Variants in FBN1 observed in about 807,000 individuals in gnomAD.
FBN1 encodes fibrillin-1.
FBN1 carries 29 observed loss-of-function variants against 365.1 expected under a neutral mutation model. The observed-to-expected ratio is 0.08, with a 90% CI of 0.06 to 0.11. FBN1 has a LOEUF of 0.11. Ranked by LOEUF, FBN1 falls within the 10% of genes least tolerant of loss-of-function variation. The probability of loss-of-function intolerance (pLI) is 1.00; values close to 1 mark genes in which losing one functional copy is unlikely to be tolerated. For synonymous variants in FBN1, 1,210 were observed against 1,270.5 expected, an observed-to-expected ratio of 0.95 and a Z score of 1.01; for missense variants, 2,476 against 3,703.2, an observed-to-expected ratio of 0.67 and a Z score of 8.60.
rs558788351 is a variant in FBN1, at chr15:48,559,449, G to A, written c.539-21641C>T. 2.0e-5 allele frequency among the ~76,000 whole-genome samples: 3 copies of A among 152,228 alleles called. No homozygotes were observed. The East Asian group carries it at 5.8e-4, about 29-fold the overall frequency. ...CTCTCATTAGAGGAGTCTGACTCAA[G>A]TAAAAGGCCTGCGGAGGACACAGAC... On this transcript the variant is annotated intron_variant, in intron 6 of 65. Coordinates refer to ENST00000316623, the MANE Select transcript of FBN1 (RefSeq NM_000138.5).
rs753055657 is a variant in FBN1 at position 48,526,164 on chromosome 15, A to T, written c.954T>A (p.Gly318=). ...VSSYFCKCPP[G]FYTSPDGTRC... is the part of the protein sequence containing the mutation. ...TGGTACCATCTGGAGAGGTGTAAAA[A>T]CCAGGGGGACATTTGCAAAAGTAAC... Residue 318 remains glycine (G), a synonymous_variant, in exon 9 of 66, where the codon GGT becomes GGA. Coordinates refer to ENST00000316623, the MANE Select transcript of FBN1 (RefSeq NM_000138.5). 4 of 1,614,002 alleles carry T rather than the reference A, an allele frequency of 2.5e-6. No homozygotes were observed. In the East Asian group the frequency reaches 8.9e-5, roughly 36 times the overall value.
chr15:48,581,739 AAGAT>A (rs1566931790), intron 6 of FBN1, among the ~76,000 whole-genome samples: 3 of 152,218 alleles, frequency 2.0e-5, no homozygotes, highest in Admixed American at 1.3e-4. Context: ...GGAAAGAACA[AAGAT>A]AGAGCTAAAA....
chr15:48,514,050 C>G (rs1263110401), intron 12 of FBN1, among the ~76,000 whole-genome samples: 1 of 152,130 alleles, frequency 6.6e-6, no homozygotes, highest in African/African-American at 2.4e-5. Flanking sequence ...AAAAGAAGGT[C>G]TAACCATATC....
At chr15:48,572,888 C>T (rs1195958793) in intron 6 of FBN1, among the ~76,000 whole-genome samples, 2 of 152,154 alleles carry the variant, frequency 1.3e-5, no homozygotes, top group African/African-American at 4.8e-5. Flanking sequence ...AGTCACTGCA[C>T]TGTTTTGCAT....
intron 65 of FBN1, among the ~76,000 whole-genome samples, chr15:48,411,987 C>A (rs1229160215): frequency 6.6e-6 from 1 of 152,238 alleles, no homozygotes; most frequent in Non-Finnish European, 1.5e-5. Flanking sequence ...ATGCTTTTCA[C>A]CTGGCTTCTT....
At chr15:48,420,883 T>A in intron 62 of FBN1, 77 bp from the exon 63 acceptor site, 1 of 1,546,500 alleles carries the variant, frequency 6.5e-7, no homozygotes. Flanking sequence ...ATAAGAAATC[T>A]GGCCCCTACA....
intron 2 of FBN1, among the ~76,000 whole-genome samples, chr15:48,614,084 G>C (rs1280297464): frequency 6.6e-6 from 1 of 152,118 alleles, no homozygotes. Context: ...CAATTTCAGG[G>C]AGCAACTAAG....
At chr15:48,638,791 C>A (rs1303261565) in intron 2 of FBN1, among the ~76,000 whole-genome samples, 1 of 152,176 alleles carries the variant, frequency 6.6e-6, no homozygotes, top group Non-Finnish European at 1.5e-5. Flanking sequence ...TCTTGCAACC[C>A]TATTCAGAGA....
chr15:48,483,155 A>C (rs2043478598), intron 31 of FBN1, among the ~76,000 whole-genome samples: 1 of 152,258 alleles, frequency 6.6e-6, no homozygotes, highest in Non-Finnish European at 1.5e-5. Context: ...AAGAAAGTCA[A>C]TTTATTCAAA....
chr15:48,420,582 T>G, intron 63 of FBN1, 105 bp downstream of exon 63: 1 of 1,458,314 alleles, frequency 6.9e-7, no homozygotes. Flanking sequence ...TTTAAATGAG[T>G]ATTTGTTGCT....
At chr15:48,578,739 A>G (rs1016237168) in intron 6 of FBN1, among the ~76,000 whole-genome samples, 3 of 149,754 alleles carry the variant, frequency 2.0e-5, no homozygotes, top group African/African-American at 7.3e-5. Flanking sequence ...CATCATTCTC[A>G]GTAAACTATC....
At chr15:48,512,303 TA>T (rs1243607964) in intron 13 of FBN1, among the ~76,000 whole-genome samples, 2 of 152,250 alleles carry the variant, frequency 1.3e-5, no homozygotes, top group Non-Finnish European at 2.9e-5. Flanking sequence ...TAAAGTGATA[TA>T]AACCTCGCTA....
At chr15:48,508,547 G>A (rs747253836) in intron 15 of FBN1, 35 bp downstream of exon 15, 18 of 1,613,042 alleles carry the variant, frequency 1.1e-5, no homozygotes, top group Middle Eastern at 1.6e-4. Context: ...GAAAAGGCAC[G>A]TGAAGAACAT....
chr15:48,553,041 T>G (rs569414887), intron 6 of FBN1, among the ~76,000 whole-genome samples: 1 of 152,320 alleles, frequency 6.6e-6, no homozygotes, highest in Admixed American at 6.5e-5. Context: ...TTTTTCCAAT[T>G]AAATCAAATA....
intron 61 of FBN1, 109 bp downstream of exon 61, chr15:48,421,843 T>C (rs542981216): frequency 3.4e-6 from 4 of 1,190,170 alleles, no homozygotes; most frequent in East Asian, 4.8e-5. Flanking sequence ...CATGCACTCA[T>C]ATATTTCTTT....
chr15:48,420,885 G>T, intron 62 of FBN1, 79 bp from the exon 63 acceptor site: 1 of 1,523,924 alleles, frequency 6.6e-7, no homozygotes, highest in East Asian at 2.3e-5. Context: ...AAGAAATCTG[G>T]CCCCTACACA....
chr15:48,441,310 G>A (rs569692637), intron 50 of FBN1, among the ~76,000 whole-genome samples: 38 of 152,202 alleles, frequency 2.5e-4, no homozygotes, highest in African/African-American at 9.1e-4. Flanking sequence ...TATTGTGGGG[G>A]CAAATGGGTT....
rs77730003 is a variant in FBN1 at position 48,545,101 on chromosome 15, G to A, written c.539-7293C>T. ...ACAGCAAGACAAAAACAATAATATT[G>A]TATAACAATTTATTTGTTCTTTTAT... On this transcript the variant is annotated intron_variant, in intron 6 of 65. Transcript: ENST00000316623. 0.018 allele frequency among the ~76,000 whole-genome samples: 2,759 copies of A among 152,122 alleles called. 211 individuals carry two copies. The East Asian group carries it at 0.24, about 13-fold the overall frequency.
At chr15:48,537,466 T>A in intron 7 of FBN1, 145 bp downstream of exon 7, 1 of 927,916 alleles carries the variant, frequency 1.1e-6, no homozygotes, top group Non-Finnish European at 1.7e-6. Flanking sequence ...ACGTTCCTAA[T>A]GCCTTAGTTG....
Sources: allele counts gnomAD v4.1 joint callset (sites outside exome capture counted in the v4.1 genomes callset), GRCh38; gene constraint gnomAD v4.1.1; transcripts MANE v1.5; gene names NCBI Gene and HGNC (gene_info 2026-07-23, HGNC 2026-07-21).